Variants in AMH observed in about 807,000 individuals in gnomAD.
The protein encoded by AMH is anti-Muellerian hormone.
A neutral mutation model predicts 33.3 loss-of-function variants in AMH; 39 were observed. That is an observed-to-expected ratio of 1.17 (90% CI 0.91 to 1.53). The LOEUF (loss-of-function observed/expected upper bound fraction) is 1.53, where lower values mean the gene tolerates loss of function less well. AMH is among the 40% of genes most tolerant of loss of function. The probability of loss-of-function intolerance (pLI) is 0.00; values close to 1 mark genes in which losing one functional copy is unlikely to be tolerated. For synonymous variants in AMH, 536 were observed against 403.0 expected, an observed-to-expected ratio of 1.33 and a Z score of -3.95; for missense variants, 1,019 against 799.8, an observed-to-expected ratio of 1.27 and a Z score of -3.30.
rs780426686 is a variant in AMH, at chr19:2,251,456, G to A, written c.1182G>A (p.Pro394=). Residue 394 remains proline, a synonymous_variant, in exon 5 of 5, where the codon CCG becomes CCA. Transcript: ENST00000221496. Reference sequence around the variant, plus strand: ...CGGCTGCCGAGCTGCGAAGCCTCCCGGGTCTGCCTCCGGCCACAGCCCCGC... The same window carrying A: ...CGGCTGCCGAGCTGCGAAGCCTCCCAGGTCTGCCTCCGGCCACAGCCCCGC... ...QAAAAELRSL[P]GLPPATAPLL... 55 of 1,430,678 alleles carry A rather than the reference G, an allele frequency of 3.8e-5. No individual in the cohort carries two copies. The Admixed American group carries it at 5.9e-4, about 15-fold the overall frequency. 88.6% of individuals were successfully genotyped at this position (1,430,678 alleles called of 1,614,324 possible). A position where few individuals can be genotyped will look rare whatever the true frequency, so the allele number is the denominator to read the frequency against.
intron 4 of AMH, 37 bp downstream of exon 4, chr19:2,251,045 CG>C: frequency 8.5e-6 from 13 of 1,526,584 alleles, no homozygotes; most frequent in Non-Finnish European, 1.1e-5. Context: ...CAGGAGCGGG[CG>C]GGGGCGGCGT....
chr19:2,250,945 G>C lies in AMH; in HGVS notation c.761G>C (p.Arg254Pro), dbSNP rs753231264. 3.9e-6 allele frequency: 6 copies of C among 1,538,524 alleles called. No individual in the cohort carries two copies. The highest frequency in any genetic ancestry group is 4.9e-5 in the East Asian group (2 of 40,696). ...ACCCCGGCCCTGCTCCTGCTGCCGC[G>C]GTCCGAGCCCGCGCCGCTGCCTGCG... ...RMTPALLLLP[R>P]SEPAPLPAHG... Residue 254 changes from arginine to proline, a missense_variant, in exon 4 of 5, where the codon CGG becomes CCG. Physicochemically the swap from Arg to Pro is moderately radical, Grantham distance 103. Transcript: ENST00000221496.
rs1178780072 is a variant in AMH, at chr19:2,249,611, C to T, written c.279C>T (p.Gly93=). Residue 93 remains glycine, a synonymous_variant, in exon 1 of 5, where the codon GGC becomes GGT. Transcript: ENST00000221496. ...FLGAVQRARW[G]PRDLATFGVC... is the part of the protein sequence containing the mutation. The stretch of plus-strand genomic sequence containing the variant: ...GGGCCGTGCAGAGGGCCCGCTGGGG[C>T]CCCCGAGACCTGGCCACCTTCGGGG... 2.6e-6 allele frequency: 4 copies of T among 1,540,836 alleles called. No individual in the cohort carries two copies. The highest frequency in any genetic ancestry group is 2.4e-5 in the East Asian group (1 of 42,070).
In AMH at chr19:2,250,729, G is replaced by A. The variant is rs1231639941; in HGVS notation, c.633G>A (p.Gly211=). Residue 211 remains glycine, a synonymous_variant, in exon 3 of 5, where the codon GGG becomes GGA. Coordinates refer to ENST00000221496, the MANE Select transcript of AMH (RefSeq NM_000479.5). ...CTGCGGGGGCCTGGCGCGGCTCCGG[G>A]CTGGCCTTGACCCTGCAGCCCCGCG... ...DRPAGAWRGS[G]LALTLQPRGE... 1 of 1,537,608 alleles carries A rather than the reference G, an allele frequency of 6.5e-7. No homozygotes were observed. Among genetic ancestry groups the A allele is most frequent in the Non-Finnish European group, 8.7e-7 (1 of 1,147,696 alleles).
chr19:2,250,751 C>CG lies in AMH; in HGVS notation c.656dup (p.Gly220ArgfsTer163), dbSNP rs1568393718. On this transcript the variant is annotated frameshift_variant, in exon 3 of 5. Coordinates refer to ENST00000221496, the MANE Select transcript of AMH (RefSeq NM_000479.5). LOFTEE classifies it high-confidence loss of function. ...CGGGCTGGCCTTGACCCTGCAGCCC[C>CG]GCGGAGAGGGTAGGTCCGCGTGGAG... 6.5e-7 allele frequency: 1 copy of CG among 1,535,814 alleles called. No individual in the cohort carries two copies. Among genetic ancestry groups the CG allele is most frequent in the East Asian group, 2.4e-5 (1 of 41,086 alleles).
In AMH at chr19:2,250,686, T is replaced by A; in HGVS notation, c.590T>A (p.Val197Glu). The change falls in exon 3 of 5, where the codon GTG becomes GAG. Residue 197 changes from valine (V) to glutamate (E), a missense_variant. Val to Glu is a moderately radical substitution (Grantham distance 121, BLOSUM62 -2). Transcript: ENST00000221496. ...LCPSRDTRYL[V>E]LAVDRPAGAW... ...CCCTCCCGAGACACCCGCTACCTGG[T>A]GTTAGCGGTGGACCGCCCTGCGGGG... 6.5e-7 allele frequency: 1 copy of A among 1,539,520 alleles called. No individual in the cohort carries two copies. The highest frequency in any genetic ancestry group is 8.7e-7 in the Non-Finnish European group (1 of 1,147,430).
rs1001352207 is a variant in AMH, at chr19:2,249,629, C to T, written c.297C>T (p.Thr99=). The T allele has an allele frequency of 4.6e-6, 7 of 1,529,716 alleles. No individual in the cohort carries two copies. The highest frequency in any genetic ancestry group is 4.4e-6 in the Non-Finnish European group (5 of 1,140,632). 94.8% of individuals were successfully genotyped at this position (1,529,716 alleles called of 1,614,324 possible). Residue 99 remains threonine (T), a synonymous_variant, in exon 1 of 5, where the codon ACC becomes ACT. Transcript: ENST00000221496. The part of the protein sequence containing the change: ...RARWGPRDLA[T]FGVCNTGDRQ... The stretch of plus-strand genomic sequence containing the variant: ...GCTGGGGCCCCCGAGACCTGGCCAC[C>T]TTCGGGGTCTGCAACACCGGTGACA...
At position 2,251,826 on chromosome 19, in the gene AMH, G is replaced by A. The variant is rs144513424; in HGVS notation, c.1552G>A (p.Ala518Thr). 4.3e-4 allele frequency: 689 copies of A among 1,600,626 alleles called. No homozygotes were observed. Among genetic ancestry groups the A allele is most frequent in the Non-Finnish European group, 5.6e-4 (663 of 1,177,842 alleles). Residue 518 changes from alanine to threonine, a missense_variant, in exon 5 of 5, where the codon GCC (alanine) becomes ACC (threonine). By Grantham distance (58) the Ala-to-Thr change is moderately conservative. Transcript: ENST00000221496. ...VLLLKMQVRG[A>T]ALARPPCCVP... ...GCTGCTGAAGATGCAGGTCCGTGGGGCCGCCCTGGCGCGCCCACCCTGCTG... is the reference window on the plus strand; with the variant it reads ...GCTGCTGAAGATGCAGGTCCGTGGGACCGCCCTGGCGCGCCCACCCTGCTG...
rs534325383 is a variant in AMH at position 2,251,230 on chromosome 19, C to T, written c.956C>T (p.Ala319Val). 291 of 1,502,514 alleles carry T rather than the reference C, an allele frequency of 1.9e-4. No individual in the cohort carries two copies. The Admixed American group carries it at 5.1e-3, about 26-fold the overall frequency. The allele number at this position is 1,502,514 out of a possible 1,614,324, so 93.1% of individuals were successfully genotyped here. ...CCGCGCCTGGCCCTGGATCCGGACG[C>T]GCTGGCCGGCTTCCCGCAGGGCCTA... ...SAPRLALDPD[A>V]LAGFPQGLVN... The change falls in exon 5 of 5, where the codon GCG becomes GTG. Residue 319 changes from alanine (A) to valine (V), a missense_variant. Ala to Val is a moderately conservative substitution (Grantham distance 64, BLOSUM62 0). Coordinates refer to ENST00000221496, the MANE Select transcript of AMH (RefSeq NM_000479.5).
In AMH at chr19:2,251,217, C is replaced by T; in HGVS notation, c.943C>T (p.Leu315=). 6.7e-7 allele frequency: 1 copy of T among 1,503,488 alleles called. No homozygotes were observed. Among genetic ancestry groups the T allele is most frequent in the Non-Finnish European group, 8.8e-7 (1 of 1,133,542 alleles). The allele number at this position is 1,503,488 out of a possible 1,614,324, so 93.1% of individuals were successfully genotyped here. ...PARASAPRLA[L]DPDALAGFPQ... ...CCGGGCCTCCGCGCCGCGCCTGGCC[C>T]TGGATCCGGACGCGCTGGCCGGCTT... The change falls in exon 5 of 5, where the codon CTG becomes TTG. Residue 315 remains leucine (L), a synonymous_variant. Transcript: ENST00000221496.
At chr19:2,250,279 G>C (rs1000745528) in intron 1 of AMH, 58 bp from the exon 2 acceptor site, 5 of 1,549,908 alleles carry the variant, frequency 3.2e-6, no homozygotes. Flanking sequence ...AGATCCCAAA[G>C]ATTCCCGGGG....
In AMH at chr19:2,251,158, C is replaced by T. The variant is rs1568394250; in HGVS notation, c.884C>T (p.Thr295Met). The T allele has an allele frequency of 2.6e-6, 4 of 1,524,856 alleles. No homozygotes were observed. The highest frequency in any genetic ancestry group is 3.5e-6 in the Non-Finnish European group (4 of 1,142,700). The allele number at this position is 1,524,856 out of a possible 1,614,324, so 94.5% of individuals were successfully genotyped here. A position where few individuals can be genotyped will look rare whatever the true frequency, so the allele number is the denominator to read the frequency against. Reference sequence around the variant, plus strand: ...GCAGACCCCTTCCTGGAGACGCTCACGCGCCTGGTGCGGGCGCTGCGGGTC... The same window carrying T: ...GCAGACCCCTTCCTGGAGACGCTCATGCGCCTGGTGCGGGCGCTGCGGGTC... ...PSADPFLETL[T>M]RLVRALRVPP... Residue 295 changes from threonine (T) to methionine (M), a missense_variant, in exon 5 of 5, where the codon ACG (threonine) becomes ATG (methionine). Thr to Met is a moderately conservative substitution (Grantham distance 81, BLOSUM62 -1). Coordinates refer to ENST00000221496, the MANE Select transcript of AMH (RefSeq NM_000479.5).
Position 2,250,380 on chromosome 19 carries a change from G to C in AMH, c.456G>C (p.Pro152=). 1.3e-6 allele frequency: 2 copies of C among 1,591,742 alleles called. No homozygotes were observed. The highest frequency in any genetic ancestry group is 1.7e-6 in the Non-Finnish European group (2 of 1,171,032). ...PTPSLRFQEP[P]PGGAGPPELA... ...CCTCGCTGAGGTTCCAGGAGCCCCC[G>C]CCTGGAGGAGCTGGCCCCCCAGAGC... Residue 152 remains proline (P), a synonymous_variant, in exon 2 of 5, where the codon CCG becomes CCC. Transcript: ENST00000221496.
In AMH at chr19:2,251,524, G is replaced by T; in HGVS notation, c.1250G>T (p.Gly417Val). 1 of 1,341,540 alleles carries T rather than the reference G, an allele frequency of 7.5e-7. No individual in the cohort carries two copies. The highest frequency in any genetic ancestry group is 9.5e-7 in the Non-Finnish European group (1 of 1,049,018). 83.1% of individuals were successfully genotyped at this position (1,341,540 alleles called of 1,614,324 possible). A position where few individuals can be genotyped will look rare whatever the true frequency, so the allele number is the denominator to read the frequency against. Residue 417 changes from glycine to valine, a missense_variant, in exon 5 of 5, where the codon GGC (glycine) becomes GTC (valine). By Grantham distance (109) the Gly-to-Val change is moderately radical. Coordinates refer to ENST00000221496, the MANE Select transcript of AMH (RefSeq NM_000479.5). ...GCGCTCTGCCCAGGTGGCCCCGGCG[G>T]CCTCGGCGATCCCCTGCGAGCGCTG... ...LLALCPGGPG[G>V]LGDPLRALLL...
At position 2,249,865 on chromosome 19, in the gene AMH, TC is replaced by T. The variant is rs113527837; in HGVS notation, c.412+123del. On this transcript the variant is annotated intron_variant, in intron 1 of 4. Coordinates refer to ENST00000221496, the MANE Select transcript of AMH (RefSeq NM_000479.5). Reference sequence around the variant, plus strand: ...CTGGGCAGGGAGGCTGTGGTCTTGTTCCTAGGACTGGGTTGCGGGTCCGTGG... The same window carrying T: ...CTGGGCAGGGAGGCTGTGGTCTTGTTCTAGGACTGGGTTGCGGGTCCGTGG... 191 of 1,212,086 alleles carry T rather than the reference TC, an allele frequency of 1.6e-4. No individual in the cohort carries two copies. The African/African-American group carries it at 2.2e-3, about 14-fold the overall frequency. The allele number at this position is 1,212,086 out of a possible 1,614,324, so 75.1% of individuals were successfully genotyped here.
In AMH at chr19:2,251,752, G is replaced by C; in HGVS notation, c.1478G>C (p.Gly493Ala). 1 of 1,611,524 alleles carries C rather than the reference G, an allele frequency of 6.2e-7. No individual in the cohort carries two copies. The highest frequency in any genetic ancestry group is 8.5e-7 in the Non-Finnish European group (1 of 1,179,598). ...GCCAACAATTGCCAGGGCGTGTGCG[G>C]CTGGCCTCAGTCCGACCGCAACCCG... ...YQANNCQGVCGWPQSDRNPRY... is the reference protein window; with the variant it reads ...YQANNCQGVCAWPQSDRNPRY... Residue 493 changes from glycine to alanine, a missense_variant, in exon 5 of 5, where the codon GGC becomes GCC. Coordinates refer to ENST00000221496, the MANE Select transcript of AMH (RefSeq NM_000479.5).
Position 2,251,750 on chromosome 19 carries a change from C to T in AMH, c.1476C>T (p.Cys492=). 2 of 1,611,586 alleles carry T rather than the reference C, an allele frequency of 1.2e-6. No individual in the cohort carries two copies. The highest frequency in any genetic ancestry group is 1.7e-6 in the Non-Finnish European group (2 of 1,179,622). The change falls in exon 5 of 5, where the codon TGC becomes TGT. Residue 492 remains cysteine, a synonymous_variant. Coordinates refer to ENST00000221496, the MANE Select transcript of AMH (RefSeq NM_000479.5). The part of the protein sequence containing the change: ...TYQANNCQGV[C]GWPQSDRNPR... ...AGGCCAACAATTGCCAGGGCGTGTG[C>T]GGCTGGCCTCAGTCCGACCGCAACC...
In AMH at chr19:2,250,703, C is replaced by G; in HGVS notation, c.607C>G (p.Pro203Ala). ...TRYLVLAVDR[P>A]AGAWRGSGLA... ...CTACCTGGTGTTAGCGGTGGACCGC[C>G]CTGCGGGGGCCTGGCGCGGCTCCGG... Residue 203 changes from proline (P) to alanine (A), a missense_variant, in exon 3 of 5, where the codon CCT (proline) becomes GCT (alanine). Transcript: ENST00000221496. 4 of 1,538,920 alleles carry G rather than the reference C, an allele frequency of 2.6e-6. No homozygotes were observed. The East Asian group carries it at 9.7e-5, about 37-fold the overall frequency.
chr19:2,249,909 A>G (rs968015809), intron 1 of AMH, 165 bp downstream of exon 1: 3 of 813,222 alleles, frequency 3.7e-6, no homozygotes, highest in Admixed American at 3.0e-5. Flanking sequence ...GGTGGGCACC[A>G]CACTCTGTCC....
Sources: allele counts gnomAD v4.1 joint callset, GRCh38; gene constraint gnomAD v4.1.1; transcripts MANE v1.5; gene names NCBI Gene and HGNC (gene_info 2026-07-23, HGNC 2026-07-21).